CHM: variants seen among roughly 807,000 people sequenced by gnomAD.
CHM encodes the protein rab proteins geranylgeranyltransferase component A 1.
A neutral mutation model predicts 49.0 loss-of-function variants in CHM; 10 were observed. That is an observed-to-expected ratio of 0.20 (90% CI 0.13 to 0.35). The LOEUF (loss-of-function observed/expected upper bound fraction) is 0.35. Ranked by LOEUF, CHM falls within the 10% of genes least tolerant of loss-of-function variation. The probability of loss-of-function intolerance (pLI) is 1.00; values close to 1 mark genes in which losing one functional copy is unlikely to be tolerated. For synonymous variants in CHM, 184 were observed against 167.5 expected (o/e 1.10, Z -0.76); for missense variants, 455 against 478.4 (o/e 0.95, Z 0.46).
chrX:85,883,022 C>A (rs1924858307), intron 12 of CHM, among the ~76,000 whole-genome samples: 1 of 111,246 alleles, frequency 9.0e-6, no homozygotes, highest in South Asian at 3.8e-4. Flanking sequence ...GAAGCTAATT[C>A]CTTACTCACC....
intron 2 of CHM, among the ~76,000 whole-genome samples, chrX:86,007,923 T>C (rs1407984368): frequency 1.8e-5 from 2 of 112,078 alleles, no homozygotes; most frequent in African/African-American, 6.5e-5. Flanking sequence ...ACCCAAAGGA[T>C]TATAAATCAT....
At chrX:85,921,903 C>T (rs773936160) in intron 8 of CHM, among the ~76,000 whole-genome samples, 2 of 112,094 alleles carry the variant, frequency 1.8e-5, no homozygotes, top group Non-Finnish European at 3.8e-5. Context: ...AATCTAAATG[C>T]ATGTATTTAT....
intron 2 of CHM, among the ~76,000 whole-genome samples, chrX:85,985,479 C>T (rs1931856091): frequency 9.2e-6 from 1 of 108,837 alleles, no homozygotes; most frequent in African/African-American, 3.4e-5. Flanking sequence ...CATAGCCATT[C>T]CAGCCTTCAG....
intron 14 of CHM, among the ~76,000 whole-genome samples, chrX:85,870,979 G>C (rs1924019294): frequency 9.0e-6 from 1 of 110,734 alleles, no homozygotes; most frequent in Admixed American, 9.6e-5. Flanking sequence ...ATGTAAACCT[G>C]CCAACTGGTA....
chrX:85,931,420 A>T (rs1433757996), intron 8 of CHM, among the ~76,000 whole-genome samples: 1 of 111,901 alleles, frequency 8.9e-6, no homozygotes, highest in East Asian at 2.8e-4. Flanking sequence ...ATCCAGACCC[A>T]CAAAGAGATA....
chrX:85,982,269 C>A (rs1415429015), intron 2 of CHM, among the ~76,000 whole-genome samples: 1 of 110,602 alleles, frequency 9.0e-6, no homozygotes, highest in East Asian at 2.9e-4. Flanking sequence ...ACCACCACCA[C>A]CAAACCCATC....
intron 4 of CHM, among the ~76,000 whole-genome samples, chrX:85,976,180 T>TGTTA (rs1569234660): frequency 8.9e-6 from 1 of 112,071 alleles, no homozygotes; most frequent in African/African-American, 3.2e-5. Context: ...GATCATCAGC[T>TGTTA]GTTACACTGT....
intron 12 of CHM, among the ~76,000 whole-genome samples, chrX:85,879,944 A>G (rs920902929): frequency 2.7e-5 from 3 of 109,847 alleles, no homozygotes; most frequent in African/African-American, 1.0e-4. Flanking sequence ...ATTTCAGACT[A>G]CTAGAATTTT....
At chrX:85,865,052 C>A (rs1178415722) in intron 14 of CHM, among the ~76,000 whole-genome samples, 1 of 111,478 alleles carries the variant, frequency 9.0e-6, no homozygotes, top group Non-Finnish European at 1.9e-5. Flanking sequence ...GATGGCAGTA[C>A]CTCATCAGGT....
At chrX:85,991,880 T>C (rs1403963092) in intron 2 of CHM, among the ~76,000 whole-genome samples, 1 of 111,608 alleles carries the variant, frequency 9.0e-6, no homozygotes, top group African/African-American at 3.3e-5. Flanking sequence ...TTTGGCATTT[T>C]ATATTCACTA....
At chrX:85,940,944 C>A (rs6623546) in intron 8 of CHM, among the ~76,000 whole-genome samples, 28 of 111,351 alleles carry the variant, frequency 2.5e-4, no homozygotes, top group African/African-American at 8.8e-4. Flanking sequence ...CCGATAAAAT[C>A]CATTTTCTAA....
At chrX:85,969,429 GCTA>G (rs766877744) in intron 4 of CHM, 1 of 727,259 alleles carries the variant, frequency 1.4e-6, no homozygotes, top group African/African-American at 2.3e-5. Context: ...AGAAACAATA[GCTA>G]CTTTTATTTC....
chrX:85,917,804 G>GA (rs201880012), intron 8 of CHM, among the ~76,000 whole-genome samples: 1,093 of 100,141 alleles, frequency 0.011, 15 homozygotes, highest in African/African-American at 0.034. Flanking sequence ...CAATCTGAGG[G>GA]AAAAAAAAAA....
At chrX:85,977,567 C>T (rs928796029) in intron 4 of CHM, among the ~76,000 whole-genome samples, 1 of 112,462 alleles carries the variant, frequency 8.9e-6, no homozygotes, top group Non-Finnish European at 1.9e-5. Context: ...GCCAGTGTGA[C>T]TGTCACTATA....
At chrX:85,869,590 C>T (rs1015751446) in intron 14 of CHM, among the ~76,000 whole-genome samples, 1 of 111,493 alleles carries the variant, frequency 9.0e-6, no homozygotes, top group African/African-American at 3.3e-5. Context: ...TGCCCTGGCC[C>T]TTGTTGATGC....
intron 12 of CHM, 117 bp from the exon 13 acceptor site, chrX:85,879,180 C>T (rs1486967831): frequency 1.9e-6 from 1 of 517,612 alleles, no homozygotes; most frequent in African/African-American, 2.3e-5. Context: ...GTGGTTACAA[C>T]ATTTGTTAAC....
intron 12 of CHM, among the ~76,000 whole-genome samples, chrX:85,888,079 G>A (rs1206897405): frequency 8.9e-6 from 1 of 111,841 alleles, no homozygotes; most frequent in East Asian, 2.8e-4. Flanking sequence ...TAATCACCAA[G>A]ACAATGGTGA....
chrX:85,876,039 T>C (rs1326591690), intron 13 of CHM, among the ~76,000 whole-genome samples: 2 of 111,366 alleles, frequency 1.8e-5, no homozygotes, highest in Admixed American at 9.6e-5. Flanking sequence ...CAACAAAAAA[T>C]CCAATTAAAA....
chrX:85,899,687 G>C (rs57514932), intron 11 of CHM, among the ~76,000 whole-genome samples: 13,660 of 58,704 alleles, frequency 0.23, 1,370 homozygotes, highest in Middle Eastern at 0.34. Flanking sequence ...CCCACCCCCC[G>C]CCCCAAAAAA....
Sources: allele counts gnomAD v4.1 joint callset (sites outside exome capture counted in the v4.1 genomes callset), GRCh38; gene constraint gnomAD v4.1.1; transcripts MANE v1.5; gene names NCBI Gene and HGNC (gene_info 2026-07-23, HGNC 2026-07-21).